The following EML6 variants were observed in gnomAD, a reference collection of about 807,000 sequenced individuals.
The protein encoded by EML6 is echinoderm microtubule-associated protein-like 6.
EML6 carries 154 observed loss-of-function variants against 240.1 expected under a neutral mutation model. The ratio of observed to expected loss-of-function variants is 0.64; its 90% confidence interval spans 0.56 to 0.73. The LOEUF is 0.73. EML6 is among the 30% of genes least tolerant of loss of function. EML6 has a pLI of 0.00. For synonymous variants in EML6, 1,148 were observed against 899.0 expected, an observed-to-expected ratio of 1.28 and a Z score of -4.95; for missense variants, 2,964 against 2,474.6, an observed-to-expected ratio of 1.20 and a Z score of -4.20.
chr2:54,816,690 T>A, intron 3 of EML6, 97 bp from the exon 4 acceptor site: 1 of 960,376 alleles, frequency 1.0e-6, no homozygotes, highest in Admixed American at 2.2e-5. Context: ...TTATAAGAAA[T>A]TCAATGCCTA....
chr2:54,913,468 G>A (rs1673750154), intron 25 of EML6, among the ~76,000 whole-genome samples: 1 of 151,960 alleles, frequency 6.6e-6, no homozygotes, highest in Admixed American at 6.6e-5. Flanking sequence ...GCTCAGGCTG[G>A]TCTCCAACTC....
Position 54,827,738 on chromosome 2 carries a change from A to G in EML6, c.698A>G (p.Gln233Arg). Residue 233 changes from glutamine to arginine, a missense_variant, in exon 6 of 42, where the codon CAA (glutamine) becomes CGA (arginine). Gln to Arg is a conservative substitution (Grantham distance 43). Transcript: ENST00000356458. ...WKGLNLVRTIQGAHSAGIFSM... is the reference protein window; with the variant it reads ...WKGLNLVRTIRGAHSAGIFSM... ...GGGCTCAATTTAGTCCGCACCATTC[A>G]AGGAGCACATAGTGTAAGTATTACC... 1.9e-6 allele frequency: 3 copies of G among 1,551,390 alleles called. No individual in the cohort carries two copies. Among genetic ancestry groups the G allele is most frequent in the Non-Finnish European group, 2.6e-6 (3 of 1,146,688 alleles).
chr2:54,919,445 T>C (rs775434477), intron 26 of EML6, among the ~76,000 whole-genome samples: 9 of 152,186 alleles, frequency 5.9e-5, no homozygotes, highest in Non-Finnish European at 1.3e-4. Context: ...TCTCCTTCCT[T>C]TGTTAATAAC....
chr2:54,783,750 A>G (rs1668954337), intron 2 of EML6, among the ~76,000 whole-genome samples: 1 of 152,192 alleles, frequency 6.6e-6, no homozygotes, highest in South Asian at 2.1e-4. Context: ...TCTTACTTTC[A>G]CCACCCTAAA....
At chr2:54,924,669 C>G (rs1258471327) in intron 26 of EML6, among the ~76,000 whole-genome samples, 2 of 152,186 alleles carry the variant, frequency 1.3e-5, no homozygotes, top group East Asian at 3.8e-4. Flanking sequence ...TCAAGTGATT[C>G]TCCTGCTTCA....
chr2:54,845,064 A>C (rs1361263301), intron 8 of EML6, among the ~76,000 whole-genome samples: 1 of 152,240 alleles, frequency 6.6e-6, no homozygotes, highest in Non-Finnish European at 1.5e-5. Context: ...TAGCTAATAT[A>C]GAACAATGCA....
At chr2:54,823,706 A>G (rs1350695103) in intron 5 of EML6, among the ~76,000 whole-genome samples, 2 of 152,130 alleles carry the variant, frequency 1.3e-5, no homozygotes, top group Non-Finnish European at 2.9e-5. Flanking sequence ...GGGAGCCATC[A>G]TCCATCCTGT....
chr2:54,733,187 T>C (rs1233417976), intron 2 of EML6, among the ~76,000 whole-genome samples: 2 of 152,224 alleles, frequency 1.3e-5, no homozygotes, highest in Non-Finnish European at 2.9e-5. Context: ...AAAGGAGCTC[T>C]CTCTGGACTG....
chr2:54,926,819 C>G (rs1674572904), intron 26 of EML6, among the ~76,000 whole-genome samples: 2 of 152,128 alleles, frequency 1.3e-5, no homozygotes, highest in African/African-American at 4.8e-5. Context: ...CCTCTGCAAC[C>G]TGAATCTCAT....
chr2:54,895,147 C>G lies in EML6; in HGVS notation c.2854+121C>G, dbSNP rs1009225969. 15 of 1,327,308 alleles carry G rather than the reference C, an allele frequency of 1.1e-5. No homozygotes were observed. In the African/African-American group the frequency reaches 1.3e-4, roughly 12 times the overall value. The allele number at this position is 1,327,308 out of a possible 1,614,324, so 82.2% of individuals were successfully genotyped here. A position where few individuals can be genotyped will look rare whatever the true frequency, so the allele number is the denominator to read the frequency against. On this transcript the variant is annotated intron_variant, in intron 20 of 41. Coordinates refer to ENST00000356458, the MANE Select transcript of EML6 (RefSeq NM_001039753.4). The stretch of plus-strand genomic sequence containing the variant: ...CTCCCTCTTCCATGTTTAGAACTCT[C>G]TTCCTCTGGTAGAAATGTCAAGGCT...
At chr2:54,849,035 A>G (rs2103732758) in intron 9 of EML6, among the ~76,000 whole-genome samples, 1 of 152,326 alleles carries the variant, frequency 6.6e-6, no homozygotes, top group South Asian at 2.1e-4. Context: ...TCCATGGCGT[A>G]TTTTTAAAAC....
intron 25 of EML6, among the ~76,000 whole-genome samples, chr2:54,914,545 G>T (rs982087654): frequency 1.1e-5 from 1 of 87,310 alleles, no homozygotes; most frequent in Admixed American, 1.3e-4. Flanking sequence ...CAAAGTGACA[G>T]GCTCTTGCTC....
At chr2:54,746,281 AG>A (rs1193079358) in intron 2 of EML6, among the ~76,000 whole-genome samples, 2 of 152,204 alleles carry the variant, frequency 1.3e-5, no homozygotes, top group African/African-American at 4.8e-5. Context: ...CTGTTTCAGT[AG>A]GGAATACTGA....
intron 2 of EML6, among the ~76,000 whole-genome samples, chr2:54,761,282 T>C (rs1428430254): frequency 6.6e-6 from 1 of 152,166 alleles, no homozygotes; most frequent in Non-Finnish European, 1.5e-5. Flanking sequence ...AAAAATATGA[T>C]AATAAACAAT....
chr2:54,800,167 C>T (rs1320509114), intron 2 of EML6, among the ~76,000 whole-genome samples: 1 of 152,112 alleles, frequency 6.6e-6, no homozygotes, highest in Non-Finnish European at 1.5e-5. Context: ...ATCGCTTGAA[C>T]CCAGGAGGTA....
rs1332818878 is a variant in EML6 at position 54,968,647 on chromosome 2, T to G, written c.5752-21T>G. 2.7e-6 allele frequency: 4 copies of G among 1,456,090 alleles called. No homozygotes were observed. The South Asian group carries it at 4.9e-5, about 18-fold the overall frequency. 90.2% of individuals were successfully genotyped at this position (1,456,090 alleles called of 1,614,324 possible). A position where few individuals can be genotyped will look rare whatever the true frequency, so the allele number is the denominator to read the frequency against. ...GAGGAGCCAGGGTCTCTTAGCTGTC[T>G]CCATTCACTTTTGCTCACAGGCCAA... is the stretch of plus-strand genomic sequence containing the variant. On this transcript the variant is annotated intron_variant, in intron 40 of 41. Transcript: ENST00000356458.
Position 54,932,182 on chromosome 2 carries a change from G to T in EML6, c.4004+3431G>T, listed in dbSNP as rs562398662. Reference sequence around the variant, plus strand: ...AAAGAATCCTGGGCTACACCTACCAGATATGTAATGTCCATGAGGTGTTCA... The same window carrying T: ...AAAGAATCCTGGGCTACACCTACCATATATGTAATGTCCATGAGGTGTTCA... On this transcript the variant is annotated intron_variant, in intron 28 of 41. Coordinates refer to ENST00000356458, the MANE Select transcript of EML6 (RefSeq NM_001039753.4). Among the ~76,000 whole-genome samples, 20 of 152,318 alleles carry T rather than the reference G, an allele frequency of 1.3e-4. No individual in the cohort carries two copies. In the East Asian group the frequency reaches 3.7e-3, roughly 28 times the overall value.
chr2:54,868,508 G>C (rs938126791), intron 14 of EML6: 9 of 152,120 alleles, frequency 5.9e-5, no homozygotes, highest in African/African-American at 2.2e-4. Flanking sequence ...TAAATAATTA[G>C]GTAAGAATGG....
At chr2:54,879,162 T>C (rs893313937) in intron 16 of EML6, among the ~76,000 whole-genome samples, 1 of 152,252 alleles carries the variant, frequency 6.6e-6, no homozygotes, top group African/African-American at 2.4e-5. Flanking sequence ...GAGATTTGTT[T>C]GTCACAAAAT....
Sources: allele counts gnomAD v4.1 joint callset (sites outside exome capture counted in the v4.1 genomes callset), GRCh38; gene constraint gnomAD v4.1.1; transcripts MANE v1.5; gene names NCBI Gene and HGNC (gene_info 2026-07-23, HGNC 2026-07-21).